The following NAV3 variants were observed in gnomAD, a reference collection of about 807,000 sequenced individuals.
NAV3 encodes the protein neuron navigator 3.
A neutral mutation model predicts 244.7 loss-of-function variants in NAV3; 87 were observed. The ratio of observed to expected loss-of-function variants is 0.36; its 90% confidence interval spans 0.30 to 0.42. The LOEUF is 0.42. Ranked by LOEUF, NAV3 falls within the 20% of genes least tolerant of loss-of-function variation. The pLI is 1.00. For missense variants in NAV3, 2,663 were observed against 2,893.3 expected (o/e 0.92, Z 1.83); for synonymous variants, 1,126 against 1,042.2 (o/e 1.08, Z -1.55).
At chr12:77,752,086 G>T (rs1259746128) in intron 2 of NAV3, among the ~76,000 whole-genome samples, 1 of 152,066 alleles carries the variant, frequency 6.6e-6, no homozygotes, top group Non-Finnish European at 1.5e-5. Context: ...AGTTTTGTTT[G>T]TCTGTGCGCT....
intron 1 of NAV3, among the ~76,000 whole-genome samples, chr12:77,887,485 T>C (rs1401594930): frequency 6.6e-6 from 1 of 152,140 alleles, no homozygotes; most frequent in Non-Finnish European, 1.5e-5. Flanking sequence ...GAAATTCATA[T>C]TTATTTTTGT....
intron 2 of NAV3, among the ~76,000 whole-genome samples, chr12:77,798,323 G>T (rs1871532650): frequency 1.3e-5 from 2 of 152,050 alleles, no homozygotes. Context: ...CTGAAATTAA[G>T]CATTTCCACT....
chr12:78,107,183 C>G (rs1043280693), intron 12 of NAV3, among the ~76,000 whole-genome samples: 9 of 152,138 alleles, frequency 5.9e-5, no homozygotes, highest in African/African-American at 2.2e-4. Flanking sequence ...AAAGACAGGT[C>G]TTCTGAAATA....
At chr12:77,965,228 AC>A (rs1892405731) in intron 3 of NAV3, among the ~76,000 whole-genome samples, 1 of 152,206 alleles carries the variant, frequency 6.6e-6, no homozygotes, top group African/African-American at 2.4e-5. Context: ...TAGCTGTGTC[AC>A]TGCTATATAA....
rs1289802928 is a variant in NAV3 at position 77,750,543 on chromosome 12, TA to T, written c.72+178289del. ...GAGCAATAGAGTGAGACCCTGTCTC[TA>T]AAAAAAAAAAAGTAAAAAGAAAGAA... On this transcript the variant is annotated intron_variant, in intron 2 of 8. Transcript: ENST00000550042. 5.1e-3 allele frequency among the ~76,000 whole-genome samples: 709 copies of T among 139,454 alleles called. 1 individual carries two copies. The highest frequency in any genetic ancestry group is 6.8e-3 in the Non-Finnish European group (437 of 63,834). 91.5% of individuals were successfully genotyped at this position (139,454 alleles called of 152,430 possible).
At chr12:77,582,364 A>C (rs1477569083) in intron 2 of NAV3, among the ~76,000 whole-genome samples, 1 of 152,180 alleles carries the variant, frequency 6.6e-6, no homozygotes, top group African/African-American at 2.4e-5. Flanking sequence ...TCCCCAAATG[A>C]CTTTGAAAAG....
chr12:77,635,991 A>G (rs1872135957), intron 2 of NAV3, among the ~76,000 whole-genome samples: 1 of 152,240 alleles, frequency 6.6e-6, no homozygotes, highest in Non-Finnish European at 1.5e-5. Flanking sequence ...ACATTCAACC[A>G]GTTTATAAGC....
intron 9 of NAV3, among the ~76,000 whole-genome samples, chr12:78,046,843 C>T (rs1881877342): frequency 6.6e-6 from 1 of 151,950 alleles, no homozygotes; most frequent in Admixed American, 6.6e-5. Flanking sequence ...TTAAAGTCTC[C>T]CACTATTATT....
chr12:78,139,262 A>G (rs1956504118), intron 19 of NAV3, among the ~76,000 whole-genome samples: 2 of 152,036 alleles, frequency 1.3e-5, no homozygotes, highest in South Asian at 4.1e-4. Context: ...TTCCATCCCC[A>G]TGTTTTCATC....
intron 5 of NAV3, among the ~76,000 whole-genome samples, chr12:77,994,499 T>C (rs1013095264): frequency 7.8e-5 from 6 of 76,538 alleles, no homozygotes; most frequent in Non-Finnish European, 1.2e-4. Flanking sequence ...AGGTTGAATT[T>C]TTTTATATGA....
At chr12:77,951,661 A>G (rs1482094060) in intron 3 of NAV3, among the ~76,000 whole-genome samples, 1 of 152,164 alleles carries the variant, frequency 6.6e-6, no homozygotes, top group East Asian at 1.9e-4. Flanking sequence ...AAAGACTTGG[A>G]ACCAACCCAA....
intron 24 of NAV3, among the ~76,000 whole-genome samples, chr12:78,174,210 A>G (rs1265708274): frequency 6.6e-6 from 1 of 151,854 alleles, no homozygotes; most frequent in Admixed American, 6.6e-5. Flanking sequence ...ACTTAATACT[A>G]GTGCATTTTA....
intron 2 of NAV3, among the ~76,000 whole-genome samples, chr12:77,825,058 C>T (rs1872917899): frequency 1.3e-5 from 2 of 152,152 alleles, no homozygotes; most frequent in Non-Finnish European, 2.9e-5. Context: ...AGGGAAAATA[C>T]AATGGTGTGG....
intron 7 of NAV3, among the ~76,000 whole-genome samples, chr12:78,004,950 GA>G (rs1205313168): frequency 6.6e-6 from 1 of 152,174 alleles, no homozygotes; most frequent in Non-Finnish European, 1.5e-5. Flanking sequence ...CAGTGATGTT[GA>G]AATTCCTCTT....
At chr12:77,688,349 C>T (rs552378085) in intron 2 of NAV3, among the ~76,000 whole-genome samples, 3 of 152,148 alleles carry the variant, frequency 2.0e-5, no homozygotes, top group African/African-American at 4.8e-5. Flanking sequence ...TATATGTACA[C>T]ATTCTACCCT....
intron 2 of NAV3, among the ~76,000 whole-genome samples, chr12:77,732,482 A>G (rs556637536): frequency 6.6e-6 from 1 of 151,774 alleles, no homozygotes; most frequent in Non-Finnish European, 1.5e-5. Flanking sequence ...TTTGTGAAAC[A>G]CTCCCAAAAA....
intron 24 of NAV3, among the ~76,000 whole-genome samples, chr12:78,171,231 A>G (rs910494877): frequency 6.6e-6 from 1 of 151,676 alleles, no homozygotes; most frequent in Non-Finnish European, 1.5e-5. Flanking sequence ...TGCATATTTA[A>G]AGCTTATCTT....
chr12:77,865,037 G>C (rs1200911152), intron 1 of NAV3, among the ~76,000 whole-genome samples: 1 of 151,890 alleles, frequency 6.6e-6, no homozygotes, highest in Non-Finnish European at 1.5e-5. Context: ...AATCACTTAT[G>C]GGCATTAAAT....
intron 5 of NAV3, among the ~76,000 whole-genome samples, chr12:77,990,647 A>G (rs972581607): frequency 2.6e-5 from 4 of 152,242 alleles, no homozygotes; most frequent in Admixed American, 1.3e-4. Context: ...CACTTTAAAA[A>G]TTAATATTAA....
Sources: allele counts gnomAD v4.1 joint callset (sites outside exome capture counted in the v4.1 genomes callset), GRCh38; gene constraint gnomAD v4.1.1; transcripts MANE v1.5; gene names NCBI Gene and HGNC (gene_info 2026-07-23, HGNC 2026-07-21).